ZNF521: variants seen among roughly 807,000 people sequenced by gnomAD.
ZNF521 encodes zinc finger protein 521.
ZNF521 carries 14 observed loss-of-function variants against 105.5 expected under a neutral mutation model. The observed-to-expected ratio is 0.13, with a 90% CI of 0.09 to 0.21. The LOEUF is 0.21. Ranked by LOEUF, ZNF521 falls within the 10% of genes least tolerant of loss-of-function variation. The pLI is 1.00. For missense variants in ZNF521, 1,233 were observed against 1,629.7 expected, an observed-to-expected ratio of 0.76 and a Z score of 4.19; for synonymous variants, 635 against 606.0, an observed-to-expected ratio of 1.05 and a Z score of -0.70.
chr18:25,233,584 G>A (rs1451462286), intron 3 of ZNF521, among the ~76,000 whole-genome samples: 1 of 151,920 alleles, frequency 6.6e-6, no homozygotes, highest in Non-Finnish European at 1.5e-5. Context: ...AACAGCAGCT[G>A]TGAAGAGCGG....
chr18:25,295,731 T>G (rs1468948209), intron 3 of ZNF521, among the ~76,000 whole-genome samples: 1 of 152,202 alleles, frequency 6.6e-6, no homozygotes, highest in Admixed American at 6.5e-5. Context: ...TTGTTTTCAG[T>G]TTTGACTATC....
rs2034330918 is a variant in ZNF521, at chr18:25,116,975, A to ATATATGTATATATACG, written c.3659-24895_3659-24894insCGTATATATACATATA. 2.9e-4 allele frequency among the ~76,000 whole-genome samples: 11 copies of ATATATGTATATATACG among 37,458 alleles called. 1 individual carries two copies. In the South Asian group the frequency reaches 6.9e-3, roughly 24 times the overall value. 24.6% of individuals were successfully genotyped at this position (37,458 alleles called of 152,430 possible). A position where few individuals can be genotyped will look rare whatever the true frequency, so the allele number is the denominator to read the frequency against. On this transcript the variant is annotated intron_variant, in intron 5 of 7. Transcript: ENST00000361524. ...TATATGTATATATGTATATATATGT[A>ATATATGTATATATACG]TATATATATACACACACACATATAT...
intron 4 of ZNF521, among the ~76,000 whole-genome samples, chr18:25,223,353 C>T (rs1390498232): frequency 6.6e-6 from 1 of 152,176 alleles, no homozygotes; most frequent in East Asian, 1.9e-4. Context: ...TCAGCCCGCC[C>T]CTGCCAGCTG....
intron 2 of ZNF521, among the ~76,000 whole-genome samples, chr18:25,348,871 A>C (rs552519050): frequency 2.6e-5 from 4 of 152,272 alleles, no homozygotes; most frequent in African/African-American, 9.6e-5. Flanking sequence ...CCGTCAACTG[A>C]CGGATTCCCT....
At chr18:25,126,745 C>A (rs922596013) in intron 5 of ZNF521, among the ~76,000 whole-genome samples, 1 of 152,038 alleles carries the variant, frequency 6.6e-6, no homozygotes, top group Non-Finnish European at 1.5e-5. Context: ...AATTCTACTT[C>A]TAATACCTAC....
intron 3 of ZNF521, among the ~76,000 whole-genome samples, chr18:25,254,053 T>A (rs188150482): frequency 1.3e-5 from 2 of 152,220 alleles, no homozygotes; most frequent in East Asian, 3.9e-4. Flanking sequence ...GAAACCAACT[T>A]GTCCAGCACA....
intron 2 of ZNF521, among the ~76,000 whole-genome samples, chr18:25,347,896 A>G (rs563795850): frequency 1.2e-3 from 185 of 152,334 alleles, no homozygotes; most frequent in African/African-American, 4.2e-3. Context: ...CTTGTTGGTT[A>G]AAGTACTAGT....
rs1013340399 is a variant in ZNF521 at position 25,310,983 on chromosome 18, G to C, written c.220+11025C>G. Among the ~76,000 whole-genome samples, 6 of 152,114 alleles carry C rather than the reference G, an allele frequency of 3.9e-5. 1 individual carries two copies. Among genetic ancestry groups the C allele is most frequent in the Non-Finnish European group, 8.8e-5 (6 of 68,020 alleles). On this transcript the variant is annotated intron_variant, in intron 3 of 7. Transcript: ENST00000361524. ...ACACAATCCCTTTAAACTTTGAGAA[G>C]CTCCAGTTGGAACAAAGATGGGGAA...
intron 5 of ZNF521, among the ~76,000 whole-genome samples, chr18:25,132,915 A>C (rs1600076353): frequency 6.6e-6 from 1 of 152,302 alleles, no homozygotes; most frequent in South Asian, 2.1e-4. Flanking sequence ...CGGGAGCATA[A>C]ATTCTACCGT....
At chr18:25,254,347 G>A (rs1453854673) in intron 3 of ZNF521, among the ~76,000 whole-genome samples, 8 of 152,012 alleles carry the variant, frequency 5.3e-5, no homozygotes, top group Non-Finnish European at 1.2e-4. Context: ...TCTTGATAGG[G>A]CCAAACTACA....
chr18:25,183,491 G>C (rs1440814799), intron 5 of ZNF521, among the ~76,000 whole-genome samples: 1 of 152,112 alleles, frequency 6.6e-6, no homozygotes, highest in Non-Finnish European at 1.5e-5. Flanking sequence ...GAACTCATTT[G>C]TACCACGTTA....
At chr18:25,064,259 G>T (rs1445182945) in intron 7 of ZNF521, among the ~76,000 whole-genome samples, 3 of 151,988 alleles carry the variant, frequency 2.0e-5, no homozygotes, top group Non-Finnish European at 4.4e-5. Flanking sequence ...CAGTCTATTA[G>T]AAAAGAACAC....
At chr18:25,128,647 T>C (rs2034581509) in intron 5 of ZNF521, among the ~76,000 whole-genome samples, 1 of 151,960 alleles carries the variant, frequency 6.6e-6, no homozygotes, top group Non-Finnish European at 1.5e-5. Context: ...TCAACTGCAG[T>C]CTTACATACA....
chr18:25,146,206 A>C (rs185582523), intron 5 of ZNF521, among the ~76,000 whole-genome samples: 620 of 152,284 alleles, frequency 4.1e-3, no homozygotes, highest in Middle Eastern at 0.014. Flanking sequence ...CTGTTTTTCT[A>C]ACCACTGAGC....
At chr18:25,095,568 T>C (rs1288767448) in intron 5 of ZNF521, among the ~76,000 whole-genome samples, 2 of 152,172 alleles carry the variant, frequency 1.3e-5, no homozygotes, top group Non-Finnish European at 2.9e-5. Context: ...CCAGATTTTC[T>C]ACAATGAGCA....
At chr18:25,326,110 A>C (rs1913203173) in intron 2 of ZNF521, among the ~76,000 whole-genome samples, 1 of 152,224 alleles carries the variant, frequency 6.6e-6, no homozygotes, top group Non-Finnish European at 1.5e-5. Context: ...ATGAGGTTTC[A>C]CCACATTTAC....
At chr18:25,167,937 A>G (rs968714396) in intron 5 of ZNF521, among the ~76,000 whole-genome samples, 1 of 152,354 alleles carries the variant, frequency 6.6e-6, no homozygotes, top group Middle Eastern at 3.4e-3. Context: ...GAAAATATGT[A>G]CAAGGATGAA....
chr18:25,218,920 G>A (rs1905515226), intron 4 of ZNF521, among the ~76,000 whole-genome samples: 1 of 152,008 alleles, frequency 6.6e-6, no homozygotes, highest in South Asian at 2.1e-4. Context: ...ACTTATATGT[G>A]TATTTTCTGC....
chr18:25,310,446 A>C (rs1912239562), intron 3 of ZNF521, among the ~76,000 whole-genome samples: 1 of 151,074 alleles, frequency 6.6e-6, no homozygotes, highest in South Asian at 2.1e-4. Context: ...AAAAAAAAAG[A>C]GGGAGGGAAA....
Sources: gnomAD v4.1 joint callset for allele counts (sites outside exome capture counted in the v4.1 genomes callset) on GRCh38, gnomAD v4.1.1 for gene constraint, MANE v1.5 for transcripts, NCBI Gene and HGNC (gene_info 2026-07-23, HGNC 2026-07-21) for gene names.